CDH26: variants seen among roughly 807,000 people sequenced by gnomAD.
The protein encoded by CDH26 is cadherin 26, also known as cadherin-like protein 26.
In CDH26, 83 loss-of-function variants were observed where a neutral mutation model predicts 90.3. That is an observed-to-expected ratio of 0.92 (90% CI 0.77 to 1.10). The LOEUF (loss-of-function observed/expected upper bound fraction) is 1.10, where lower values mean the gene tolerates loss of function less well. CDH26 is among the 50% of genes least tolerant of loss of function. The pLI is 0.00. For synonymous variants in CDH26, 397 were observed against 396.3 expected (o/e 1.00, Z -0.02); for missense variants, 1,013 against 1,037.6 (o/e 0.98, Z 0.33).
Position 59,996,008 on chromosome 20 carries a change from T to C in CDH26, c.1842T>C (p.His614=). The C allele has an allele frequency of 6.2e-7, 1 of 1,614,014 alleles. No individual in the cohort carries two copies. The change falls in exon 12 of 18, where the codon CAT becomes CAC. Residue 614 remains histidine, a synonymous_variant. Transcript: ENST00000348616. ...TTGCAGATGCAGAAGTGGGGCTTCA[T>C]GTGGGGGCCCTGTTCCCTGTCTGTG... ...VELADAEVGL[H]VGALFPVCAA... is the part of the protein sequence containing the mutation.
downstream of CDH26, among the ~76,000 whole-genome samples, chr20:60,035,404 A>G (rs1361592717): frequency 6.6e-6 from 1 of 152,248 alleles, no homozygotes; most frequent in African/African-American, 2.4e-5. Flanking sequence ...GTGTATTATC[A>G]GTTTTTAAAT....
chr20:59,996,723 G>C lies in CDH26; in HGVS notation c.1981G>C (p.Val661Leu). The change falls in exon 13 of 18, where the codon GTC becomes CTC. Residue 661 changes from valine (V) to leucine (L), a missense_variant. By Grantham distance (32) the Val-to-Leu change is conservative. Transcript: ENST00000348616. ...CAATGATGAAGGCCACCAAACACTG[G>C]TCATGTATAATGCGGAGAGCAAAGG... ...VSNDEGHQTL[V>L]MYNAESKGTS... 6.2e-7 allele frequency: 1 copy of C among 1,614,224 alleles called. No individual in the cohort carries two copies. The highest frequency in any genetic ancestry group is 8.5e-7 in the Non-Finnish European group (1 of 1,180,040).
chr20:60,001,576 C>T (rs938992705), intron 15 of CDH26, 165 bp downstream of exon 15: 3 of 985,310 alleles, frequency 3.0e-6, no homozygotes, highest in Admixed American at 1.2e-4. Context: ...ACTCTATTTC[C>T]ATCTATAGAA....
chr20:60,032,908 T>G (rs2062052581), intron 8 of CDH26, among the ~76,000 whole-genome samples: 1 of 148,622 alleles, frequency 6.7e-6, no homozygotes, highest in Non-Finnish European at 1.5e-5. Context: ...AGATGACGAG[T>G]TAGTGGGTGC....
chr20:60,011,633 G>A (rs1018976980), intron 17 of CDH26, among the ~76,000 whole-genome samples: 2 of 152,154 alleles, frequency 1.3e-5, no homozygotes, highest in Non-Finnish European at 2.9e-5. Flanking sequence ...ACAAATAAAC[G>A]GTCTTGGCCG....
intron 8 of CDH26, among the ~76,000 whole-genome samples, chr20:60,032,779 A>C (rs2062050410): frequency 6.9e-6 from 1 of 145,606 alleles, no homozygotes; most frequent in Admixed American, 7.1e-5. Context: ...GTTCTCACTC[A>C]TAGGTGGGAA....
chr20:59,973,259 C>T (rs574091867), intron 4 of CDH26, among the ~76,000 whole-genome samples: 7 of 152,302 alleles, frequency 4.6e-5, no homozygotes, highest in South Asian at 4.1e-4. Flanking sequence ...TGCTGTTCCT[C>T]GGGCTTCCAC....
Position 59,992,539 on chromosome 20 carries a change from T to C in CDH26, c.1426+19T>C, listed in dbSNP as rs369682112. On this transcript the variant is annotated intron_variant, in intron 10 of 17. Transcript: ENST00000348616. This position sits in a 1 kb window ranked among gnomAD's most constrained non-coding sequence, Gnocchi z 5.0. The stretch of plus-strand genomic sequence containing the variant: ...GATGATGGTGAGTGTTTACCCAAAA[T>C]TGGAAAAATAAAATGCTCATTCTTG... 8 of 1,611,842 alleles carry C rather than the reference T, an allele frequency of 5.0e-6. No individual in the cohort carries two copies. The African/African-American group carries it at 5.3e-5, about 11-fold the overall frequency.
chr20:60,021,861 C>CACACACACACACACACAT (rs1476198872), intron 7 of CDH26, among the ~76,000 whole-genome samples: 2 of 68,844 alleles, frequency 2.9e-5, no homozygotes, highest in Non-Finnish European at 6.9e-5. Flanking sequence ...CACACACACA[C>CACACACACACACACACAT]ACACACACAC....
intron 11 of CDH26, among the ~76,000 whole-genome samples, chr20:59,995,320 A>G (rs961297581): frequency 2.0e-4 from 31 of 152,148 alleles, no homozygotes; most frequent in East Asian, 7.7e-4. Context: ...ATTACCAGAG[A>G]GGCTGGAGAC....
chr20:59,988,950 T>C lies in CDH26; in HGVS notation c.1070T>C (p.Val357Ala). Reference sequence around the variant, plus strand: ...CCAGCGCAAAGCCTCATCATTGTCGTGGAGAATGAGGAGAGGCTCGTCTTC... The same window carrying C: ...CCAGCGCAAAGCCTCATCATTGTCGCGGAGAATGAGGAGAGGCTCGTCTTC... ...TRPAQSLIIVVENEERLVFCE... is the reference protein window; with the variant it reads ...TRPAQSLIIVAENEERLVFCE... The change falls in exon 9 of 18, where the codon GTG becomes GCG. Residue 357 changes from valine (V) to alanine (A), a missense_variant. Physicochemically the swap from Val to Ala is moderately conservative, Grantham distance 64 (BLOSUM62 0). Transcript: ENST00000348616. The C allele has an allele frequency of 2.5e-6, 4 of 1,614,088 alleles. No homozygotes were observed. Among genetic ancestry groups the C allele is most frequent in the Non-Finnish European group, 3.4e-6 (4 of 1,180,028 alleles).
intron 4 of CDH26, among the ~76,000 whole-genome samples, chr20:59,975,335 G>C (rs555965406): frequency 2.0e-5 from 3 of 152,112 alleles, no homozygotes; most frequent in Non-Finnish European, 4.4e-5. Context: ...GCAGAGATTA[G>C]AGTGATGCCA....
rs1569068542 is a variant in CDH26 at position 60,021,857 on chromosome 20, C to CACACACACACACACACACACAT, written c.948-9353_948-9352insTACACACACACACACACACACA. ...GCCGATATCCTTATCTGTACACACA[C>CACACACACACACACACACACAT]ACACACACACACACACACACACACA... On this transcript the variant is annotated intron_variant, in intron 7 of 8. Transcript: ENST00000370991. Among the ~76,000 whole-genome samples, 43 of 69,720 alleles carry CACACACACACACACACACACAT rather than the reference C, an allele frequency of 6.2e-4. 1 individual carries two copies. The highest frequency in any genetic ancestry group is 1.4e-3 in the East Asian group (5 of 3,502). 45.7% of individuals were successfully genotyped at this position (69,720 alleles called of 152,430 possible). A position where few individuals can be genotyped will look rare whatever the true frequency, so the allele number is the denominator to read the frequency against.
intron 16 of CDH26, among the ~76,000 whole-genome samples, chr20:60,006,000 T>A (rs1263346682): frequency 6.6e-6 from 1 of 152,186 alleles, no homozygotes; most frequent in African/African-American, 2.4e-5. Flanking sequence ...TCCATGGCCC[T>A]ACAACTTCCT....
Position 60,013,497 on chromosome 20 carries a change from G to A in CDH26, c.*767G>A, listed in dbSNP as rs993732594. The A allele has an allele frequency of 1.3e-5, 2 of 152,046 alleles. No homozygotes were observed. The highest frequency in any genetic ancestry group is 2.9e-5 in the Non-Finnish European group (2 of 67,986). The allele number at this position is 152,046 out of a possible 1,614,324, so 9.4% of individuals were successfully genotyped here. ...TAGTGTCAGTTTCAGGGGAAGAAATGGTTTCTTTTAAAAATCTTAATAGGG... is the reference window on the plus strand; with the variant it reads ...TAGTGTCAGTTTCAGGGGAAGAAATAGTTTCTTTTAAAAATCTTAATAGGG... On this transcript the variant is annotated 3_prime_UTR_variant, in exon 18 of 18. Transcript: ENST00000348616.
intron 1 of CDH26, among the ~76,000 whole-genome samples, chr20:59,967,961 T>TTCTTTCTTTCTTTCTA (rs2061192706): frequency 4.5e-5 from 1 of 22,332 alleles, no homozygotes; most frequent in Non-Finnish European, 9.0e-5. Flanking sequence ...CTTTCTATCT[T>TTCTTTCTTTCTTTCTA]TCTTTCTTTC....
rs1053008908 is a variant in CDH26, at chr20:59,984,929, C to T, written c.709-72C>T. On this transcript the variant is annotated intron_variant, in intron 6 of 17. Coordinates refer to ENST00000348616, the MANE Select transcript of CDH26 (RefSeq NM_177980.4). ...TAGATTTGCTATTGAAATTCCTAAACAGAATATTTCTTTATTAATATTTTC... is the reference window on the plus strand; with the variant it reads ...TAGATTTGCTATTGAAATTCCTAAATAGAATATTTCTTTATTAATATTTTC... The T allele has an allele frequency of 3.7e-5, 59 of 1,573,362 alleles. 1 individual carries two copies. The highest frequency in any genetic ancestry group is 5.4e-5 in the Admixed American group (3 of 55,538).
chr20:60,001,249 CA>C lies in CDH26; in HGVS notation c.2098-92del, dbSNP rs555397042. 10 of 1,457,486 alleles carry C rather than the reference CA, an allele frequency of 6.9e-6. No individual in the cohort carries two copies. In the African/African-American group the frequency reaches 1.4e-4, roughly 20 times the overall value. The allele number at this position is 1,457,486 out of a possible 1,614,324, so 90.3% of individuals were successfully genotyped here. A position where few individuals can be genotyped will look rare whatever the true frequency, so the allele number is the denominator to read the frequency against. Reference sequence around the variant, plus strand: ...TTGTGTTTGCCTATGAATATATGAGCAAGGGGAAGTGGTGAGAGGTCACGCA... The same window carrying C: ...TTGTGTTTGCCTATGAATATATGAGCAGGGGAAGTGGTGAGAGGTCACGCA... On this transcript the variant is annotated intron_variant, in intron 14 of 17. Transcript: ENST00000348616.
chr20:59,982,126 G>A (rs757588854), intron 4 of CDH26, among the ~76,000 whole-genome samples: 6 of 151,894 alleles, frequency 4.0e-5, no homozygotes, highest in East Asian at 1.9e-4. Context: ...TTTCATTCTC[G>A]TTATTGATAA....
Sources: allele counts gnomAD v4.1 joint callset (sites outside exome capture counted in the v4.1 genomes callset), GRCh38; gene constraint gnomAD v4.1.1; non-coding constraint Gnocchi (gnomAD v3.1); transcripts MANE v1.5; gene names NCBI Gene and HGNC (gene_info 2026-07-23, HGNC 2026-07-21).